UNK: variants seen among roughly 807,000 people sequenced by gnomAD.
UNK encodes the protein unk zinc finger.
A neutral mutation model predicts 97.6 loss-of-function variants in UNK; 32 were observed. The observed-to-expected ratio is 0.33, with a 90% CI of 0.25 to 0.44. The LOEUF is 0.44. Ranked by LOEUF, UNK falls within the 20% of genes least tolerant of loss-of-function variation. The pLI is 1.00. For synonymous variants in UNK, 441 were observed against 461.2 expected (o/e 0.96, Z 0.56); for missense variants, 771 against 1,098.4 (o/e 0.70, Z 4.21).
intron 2 of UNK, 104 bp from the exon 3 acceptor site, chr17:75,812,006 AAC>A: frequency 8.4e-7 from 1 of 1,192,474 alleles, no homozygotes; most frequent in Non-Finnish European, 1.1e-6. Context: ...AAAACAAACA[AAC>A]AACAACAACA....
Position 75,813,335 on chromosome 17 carries a change from C to T in UNK, c.758+122C>T, listed in dbSNP as rs1599382138. 5 of 1,351,602 alleles carry T rather than the reference C, an allele frequency of 3.7e-6. No homozygotes were observed. The East Asian group carries it at 7.6e-5, about 20-fold the overall frequency. 83.7% of individuals were successfully genotyped at this position (1,351,602 alleles called of 1,614,324 possible). ...GCTGGTCCTGGGGATGACAGGATCGCAAGCCCAGGGCCCAGGGGAGGGCAT... is the reference window on the plus strand; with the variant it reads ...GCTGGTCCTGGGGATGACAGGATCGTAAGCCCAGGGCCCAGGGGAGGGCAT... On this transcript the variant is annotated intron_variant, in intron 5 of 15. Coordinates refer to ENST00000589666, the MANE Select transcript of UNK (RefSeq NM_001080419.3).
In UNK at chr17:75,818,030, C is replaced by A; in HGVS notation, c.1306-73C>A. 2.7e-6 allele frequency: 4 copies of A among 1,482,616 alleles called. No individual in the cohort carries two copies. The highest frequency in any genetic ancestry group is 3.8e-6 in the Non-Finnish European group (4 of 1,065,166). The allele number at this position is 1,482,616 out of a possible 1,614,324, so 91.8% of individuals were successfully genotyped here. A position where few individuals can be genotyped will look rare whatever the true frequency, so the allele number is the denominator to read the frequency against. ...GCCACCACCTGCCCCCTGGTACCTG[C>A]AGCCTCAGGGTCAGATGGACTCAGG... On this transcript the variant is annotated intron_variant, in intron 9 of 15. Transcript: ENST00000589666. This position sits in a 1 kb window ranked among gnomAD's most constrained non-coding sequence, Gnocchi z 5.1.
At chr17:75,823,669 G>C in intron 15 of UNK, 147 bp downstream of exon 15, 1 of 1,218,122 alleles carries the variant, frequency 8.2e-7, no homozygotes, top group East Asian at 2.6e-5. Context: ...AGGCCGGCCT[G>C]CTGGGAATGG....
At chr17:75,786,215 A>G (rs1216680293) in intron 1 of UNK, among the ~76,000 whole-genome samples, 35 of 152,124 alleles carry the variant, frequency 2.3e-4, no homozygotes, top group Admixed American at 2.3e-3. Context: ...CTTACTGGAG[A>G]TCTTTCGCAG....
At chr17:75,791,676 T>C (rs2061765319) in intron 1 of UNK, 1 of 949,362 alleles carries the variant, frequency 1.1e-6, no homozygotes, top group African/African-American at 1.8e-5. Flanking sequence ...ATTCTTAAAC[T>C]TAACACCTAG....
At chr17:75,786,034 T>C (rs2061707426) in intron 1 of UNK, 3 of 152,358 alleles carry the variant, frequency 2.0e-5, no homozygotes, top group Admixed American at 6.5e-5. Flanking sequence ...ACTCTTGTTA[T>C]AGAAGACCTT....
In UNK at chr17:75,822,572, G is replaced by A; in HGVS notation, c.1933G>A (p.Ala645Thr). 1 of 1,613,582 alleles carries A rather than the reference G, an allele frequency of 6.2e-7. No homozygotes were observed. The highest frequency in any genetic ancestry group is 1.1e-5 in the South Asian group (1 of 91,056). The change falls in exon 14 of 16, where the codon GCC becomes ACC. Residue 645 changes from alanine to threonine, a missense_variant. Ala to Thr is a moderately conservative substitution (Grantham distance 58, BLOSUM62 0). Around this residue, in one of 5 missense-constraint regions of UNK, gnomAD observed 208 missense variants for 257.4 expected, o/e 0.81. Transcript: ENST00000589666. ...CGCTTTCCTATCAGGGCCAGGGGCT[G>A]CCGAGCTGGCCCGACTTCGGCAAGA... ...SPAFLSGPGA[A>T]ELARLRQELD...
intron 6 of UNK, 59 bp downstream of exon 6, chr17:75,813,937 G>T: frequency 6.9e-7 from 1 of 1,448,324 alleles, no homozygotes; most frequent in South Asian, 1.3e-5. Flanking sequence ...AGGCAGGCAG[G>T]ATCAGTGGAG....
intron 1 of UNK, among the ~76,000 whole-genome samples, chr17:75,798,106 T>C (rs1475536943): frequency 6.6e-6 from 1 of 151,118 alleles, no homozygotes; most frequent in Non-Finnish European, 1.5e-5. Flanking sequence ...GTCTTGCTCT[T>C]GTCACCCAGG....
rs1450326842 is a variant in UNK at position 75,825,449 on chromosome 17, C to CT, written c.*1033dup. 5.9e-5 allele frequency: 9 copies of CT among 152,566 alleles called. No individual in the cohort carries two copies. The highest frequency in any genetic ancestry group is 1.7e-4 in the African/African-American group (7 of 41,466). 9.5% of individuals were successfully genotyped at this position (152,566 alleles called of 1,614,324 possible). On this transcript the variant is annotated 3_prime_UTR_variant, in exon 16 of 16. Transcript: ENST00000589666. The surrounding 1 kb of genome is among the most constrained non-coding windows in gnomAD (Gnocchi z 4.4). Reference sequence around the variant, plus strand: ...CTCCGTTTGCATTCCTTGGTGCTCTCTGAGTGCAGCTGGTGTCCCGCCCTG... The same window carrying CT: ...CTCCGTTTGCATTCCTTGGTGCTCTCTTGAGTGCAGCTGGTGTCCCGCCCTG...
Position 75,819,957 on chromosome 17 carries a change from C to A in UNK, c.1686C>A (p.Ile562=). ...TGCAGAGCTCTGCACCCGTGAACAT[C>A]CCCGGCTCCTTGGGCAGCTCTGCCT... The part of the protein sequence containing the change: ...SLLQSSAPVN[I]PGSLGSSASF... Residue 562 remains isoleucine (I), a synonymous_variant, in exon 13 of 16, where the codon ATC becomes ATA. Transcript: ENST00000589666. The surrounding 1 kb of genome is among the most constrained non-coding windows in gnomAD (Gnocchi z 5.4). 1 of 1,612,506 alleles carries A rather than the reference C, an allele frequency of 6.2e-7. No homozygotes were observed.
rs115406095 is a variant in UNK, at chr17:75,819,613, G to A, written c.1547-71G>A. ...TAGCATGGGCGTGAAGATGCAGCGT[G>A]GGCAGTAGACGAGGTGGTCAGGGTC... On this transcript the variant is annotated intron_variant, in intron 11 of 15. Transcript: ENST00000589666. This position sits in a 1 kb window ranked among gnomAD's most constrained non-coding sequence, Gnocchi z 5.4. 1 of 1,401,452 alleles carries A rather than the reference G, an allele frequency of 7.1e-7. No individual in the cohort carries two copies. Among genetic ancestry groups the A allele is most frequent in the African/African-American group, 1.4e-5 (1 of 70,796 alleles). 86.8% of individuals were successfully genotyped at this position (1,401,452 alleles called of 1,614,324 possible).
intron 1 of UNK, among the ~76,000 whole-genome samples, chr17:75,789,119 T>C (rs935871368): frequency 1.3e-5 from 2 of 152,208 alleles, no homozygotes; most frequent in South Asian, 2.1e-4. Context: ...ATTTTTTTTT[T>C]CTAAACTCTT....
In UNK at chr17:75,818,821, CTA is replaced by C; in HGVS notation, c.1546+6_1546+7del. The C allele has an allele frequency of 6.3e-7, 1 of 1,589,694 alleles. No individual in the cohort carries two copies. The highest frequency in any genetic ancestry group is 1.1e-5 in the South Asian group (1 of 87,610). ...ACACGGTAGAGTCAGTCATAGGTAACTAGGCCATTTCTGTTTGAAAGCCCAGG... is the reference window on the plus strand; with the variant it reads ...ACACGGTAGAGTCAGTCATAGGTAACGGCCATTTCTGTTTGAAAGCCCAGG... On this transcript the variant is annotated splice_donor_region_variant and intron_variant, in intron 11 of 15. Transcript: ENST00000589666. The surrounding 1 kb of genome is among the most constrained non-coding windows in gnomAD (Gnocchi z 5.1).
At chr17:75,791,635 G>A (rs780542440) in intron 1 of UNK, 12 of 627,608 alleles carry the variant, frequency 1.9e-5, no homozygotes, top group Admixed American at 6.3e-5. Flanking sequence ...CAAAATCCCC[G>A]TTAAGTGTTA....
intron 2 of UNK, 50 bp downstream of exon 2, chr17:75,810,019 C>A: frequency 1.2e-6 from 2 of 1,601,388 alleles, no homozygotes; most frequent in South Asian, 2.2e-5. Flanking sequence ...CCTTCTGGGT[C>A]AGATGCCCTC....
chr17:75,801,641 G>A (rs1352941991), intron 1 of UNK, among the ~76,000 whole-genome samples: 1 of 151,128 alleles, frequency 6.6e-6, no homozygotes, highest in Admixed American at 6.6e-5. Context: ...CCACCTCCTG[G>A]GCTCAAGCGA....
At chr17:75,805,844 G>GTGTGTGTGTGTGTA (rs903504133) in intron 1 of UNK, among the ~76,000 whole-genome samples, 1 of 147,790 alleles carries the variant, frequency 6.8e-6, no homozygotes, top group East Asian at 1.9e-4. Context: ...GTGTGTGTGT[G>GTGTGTGTGTGTGTA]TATAATATAT....
chr17:75,798,330 A>C (rs1432558140), intron 1 of UNK, among the ~76,000 whole-genome samples: 4 of 151,870 alleles, frequency 2.6e-5, no homozygotes, highest in African/African-American at 9.7e-5. Context: ...CAGCCTCCCA[A>C]AGTGTTGGGA....
Sources: allele counts gnomAD v4.1 joint callset (sites outside exome capture counted in the v4.1 genomes callset), GRCh38; gene constraint gnomAD v4.1.1; regional missense constraint gnomAD v4.1.1; non-coding constraint Gnocchi (gnomAD v3.1); transcripts MANE v1.5; gene names NCBI Gene and HGNC (gene_info 2026-07-23, HGNC 2026-07-21).